Variants in UBE2V2 observed in about 807,000 individuals in gnomAD.
UBE2V2 encodes the protein ubiquitin-conjugating enzyme E2 variant 2.
In UBE2V2, 9 loss-of-function variants were observed where a neutral mutation model predicts 17.2. The observed-to-expected ratio is 0.52, with a 90% CI of 0.32 to 0.91. The LOEUF (loss-of-function observed/expected upper bound fraction) is 0.91, where lower values mean the gene tolerates loss of function less well. UBE2V2 is among the 40% of genes least tolerant of loss of function. UBE2V2 has a pLI of 0.04. For synonymous variants in UBE2V2, 61 were observed against 57.5 expected (o/e 1.06, Z -0.28); for missense variants, 133 against 182.6 (o/e 0.73, Z 1.56).
chr8:48,043,005 AC>A, intron 1 of UBE2V2, 27 bp from the exon 2 acceptor site: 1 of 1,434,804 alleles, frequency 7.0e-7, no homozygotes, highest in South Asian at 1.8e-5. Context: ...TGAGCTTTTT[AC>A]ATTTACACTG....
At chr8:48,016,282 C>T (rs1478795756) in intron 1 of UBE2V2, among the ~76,000 whole-genome samples, 2 of 152,116 alleles carry the variant, frequency 1.3e-5, no homozygotes, top group African/African-American at 4.8e-5. Context: ...GGAGTGCAGG[C>T]CTCTCTTTGA....
intron 2 of UBE2V2, among the ~76,000 whole-genome samples, chr8:48,047,178 T>A (rs1017990584): frequency 3.3e-5 from 5 of 152,084 alleles, no homozygotes; most frequent in Non-Finnish European, 4.4e-5. Flanking sequence ...CAACCTCAGG[T>A]GATCCACTCC....
intron 3 of UBE2V2, among the ~76,000 whole-genome samples, chr8:48,051,221 A>C (rs893918607): frequency 6.6e-6 from 1 of 152,226 alleles, no homozygotes; most frequent in Non-Finnish European, 1.5e-5. Flanking sequence ...CTGAATTTCC[A>C]GTATGAGTAG....
chr8:48,038,317 G>GTATT (rs1364263217), intron 1 of UBE2V2, among the ~76,000 whole-genome samples: 2 of 151,940 alleles, frequency 1.3e-5, no homozygotes, highest in East Asian at 1.9e-4. Flanking sequence ...TTTATTATTT[G>GTATT]TATTTATTTA....
At chr8:48,040,687 C>T (rs2091455451) in intron 1 of UBE2V2, among the ~76,000 whole-genome samples, 1 of 151,868 alleles carries the variant, frequency 6.6e-6, no homozygotes, top group African/African-American at 2.4e-5. Flanking sequence ...CGGGCAGGGG[C>T]TTGATCTCGG....
chr8:48,046,222 C>T (rs915712973), intron 2 of UBE2V2, among the ~76,000 whole-genome samples: 3 of 152,028 alleles, frequency 2.0e-5, no homozygotes, highest in African/African-American at 7.2e-5. Context: ...CGCGTTCATA[C>T]CATTCTCCTG....
intron 3 of UBE2V2, among the ~76,000 whole-genome samples, chr8:48,052,665 A>G (rs2091546505): frequency 6.6e-6 from 1 of 152,156 alleles, no homozygotes. Context: ...AGTCTTTCCA[A>G]AGTTAGCAGC....
chr8:48,043,106 A>T lies in UBE2V2; in HGVS notation c.90A>T (p.Thr30=). ...EEGQKGVGDG[T]VSWGLEDDED... is the part of the protein sequence containing the mutation. Reference sequence around the variant, plus strand: ...GACAAAAAGGAGTAGGCGACGGTACAGTTAGCTGGGGCCTTGAAGATGATG... The same window carrying T: ...GACAAAAAGGAGTAGGCGACGGTACTGTTAGCTGGGGCCTTGAAGATGATG... The change falls in exon 2 of 4, where the codon ACA becomes ACT. Residue 30 remains threonine, a synonymous_variant. Coordinates refer to ENST00000523111, the MANE Select transcript of UBE2V2 (RefSeq NM_003350.3). 6.2e-7 allele frequency: 1 copy of T among 1,601,868 alleles called. No homozygotes were observed. The highest frequency in any genetic ancestry group is 8.5e-7 in the Non-Finnish European group (1 of 1,172,820).
At chr8:48,037,515 T>C (rs2091432693) in intron 1 of UBE2V2, among the ~76,000 whole-genome samples, 1 of 152,238 alleles carries the variant, frequency 6.6e-6, no homozygotes, top group Non-Finnish European at 1.5e-5. Context: ...GAAAGCACTT[T>C]GCTCAGTCAT....
upstream of UBE2V2, chr8:48,008,405 G>A: frequency 6.4e-7 from 1 of 1,554,292 alleles, no homozygotes; most frequent in South Asian, 1.2e-5. Context: ...GAAGTGACGC[G>A]CGACGGTTCG....
chr8:47,998,756 T>G, the UBE2V2 span, among the ~76,000 whole-genome samples: 2 of 151,532 alleles, frequency 1.3e-5, no homozygotes, highest in East Asian at 1.9e-4. Context: ...CCTTCCCGGT[T>G]TCGGCACCAG....
In UBE2V2 at chr8:48,008,446, C is replaced by A. The variant is rs761237094; in HGVS notation, c.-9C>A. On this transcript the variant is annotated 5_prime_UTR_variant, in exon 1 of 4. Coordinates refer to ENST00000523111, the MANE Select transcript of UBE2V2 (RefSeq NM_003350.3). ...GCGTGCGGGCGGCTGCGTCGGGCTG[C>A]AGGAGAAGATGGCGGTCTCCACAGG... The A allele has an allele frequency of 1.3e-6, 2 of 1,566,344 alleles. No homozygotes were observed. Among genetic ancestry groups the A allele is most frequent in the Admixed American group, 1.9e-5 (1 of 53,922 alleles).
intron 2 of UBE2V2, among the ~76,000 whole-genome samples, chr8:48,045,213 C>G (rs2091490978): frequency 6.6e-6 from 1 of 152,158 alleles, no homozygotes; most frequent in African/African-American, 2.4e-5. Context: ...AAGCTTCACG[C>G]TGAGGCACTT....
chr8:48,010,399 GTTTTTTT>G (rs934421477), intron 1 of UBE2V2, among the ~76,000 whole-genome samples: 1 of 123,000 alleles, frequency 8.1e-6, no homozygotes, highest in Non-Finnish European at 1.7e-5. Flanking sequence ...CCATCTACTA[GTTTTTTT>G]TTTTTTTTTT....
chr8:48,048,536 G>A (rs1001766432), intron 2 of UBE2V2, among the ~76,000 whole-genome samples: 2 of 152,144 alleles, frequency 1.3e-5, no homozygotes, highest in Non-Finnish European at 2.9e-5. Flanking sequence ...AGATAATCAT[G>A]AGATCTATCT....
chr8:48,004,109 A>G (rs1239569698), upstream of UBE2V2, among the ~76,000 whole-genome samples: 1 of 152,118 alleles, frequency 6.6e-6, no homozygotes, highest in Non-Finnish European at 1.5e-5. Flanking sequence ...GAACTTGGAT[A>G]TGGTCTTAGA....
At position 48,049,916 on chromosome 8, in the gene UBE2V2, C is replaced by A; in HGVS notation, c.229C>A (p.Pro77Thr). 1 of 1,584,744 alleles carries A rather than the reference C, an allele frequency of 6.3e-7. No individual in the cohort carries two copies. Among genetic ancestry groups the A allele is most frequent in the Non-Finnish European group, 8.5e-7 (1 of 1,169,810 alleles). ...VECGPKYPEA[P>T]PSVRFVTKIN... ...ATGTGGACCTAAATACCCAGAAGCT[C>A]CTCCGTCAGTTAGATTTGTAACAAA... Residue 77 changes from proline (P) to threonine (T), a missense_variant, in exon 3 of 4, where the codon CCT (proline) becomes ACT (threonine). Pro to Thr is a conservative substitution (Grantham distance 38). This residue lies in a region of UBE2V2 where 92 missense variants were observed against 124.3 expected (regional missense o/e 0.74). Transcript: ENST00000523111.
chr8:48,057,959 T>C (rs2091583376), intron 3 of UBE2V2, among the ~76,000 whole-genome samples: 1 of 152,210 alleles, frequency 6.6e-6, no homozygotes, highest in Non-Finnish European at 1.5e-5. Flanking sequence ...CTTTTCTTTC[T>C]AATCAGGGTG....
intron 1 of UBE2V2, among the ~76,000 whole-genome samples, chr8:48,031,380 C>G (rs759533330): frequency 6.6e-6 from 1 of 151,926 alleles, no homozygotes; most frequent in African/African-American, 2.4e-5. Context: ...ATCATGAAGC[C>G]GCTTATTTTC....
Sources: gnomAD v4.1 joint callset for allele counts (sites outside exome capture counted in the v4.1 genomes callset) on GRCh38, gnomAD v4.1.1 for gene constraint, gnomAD v4.1.1 regional missense constraint, MANE v1.5 for transcripts, NCBI Gene and HGNC (gene_info 2026-07-23, HGNC 2026-07-21) for gene names.